The following ZDHHC18 variants were observed in gnomAD, a reference collection of about 807,000 sequenced individuals.
ZDHHC18 encodes palmitoyltransferase ZDHHC18.
In ZDHHC18, 23 loss-of-function variants were observed where a neutral mutation model predicts 37.5. The ratio of observed to expected loss-of-function variants is 0.61; its 90% CI spans 0.44 to 0.87. The LOEUF is 0.87. ZDHHC18 is among the 40% of genes least tolerant of loss of function. ZDHHC18 has a pLI of 0.00. For missense variants in ZDHHC18, 406 were observed against 525.6 expected, an observed-to-expected ratio of 0.77 and a Z score of 2.22; for synonymous variants, 185 against 218.7, an observed-to-expected ratio of 0.85 and a Z score of 1.36.
At chr1:26,829,135 G>T (rs955137029) in intron 1 of ZDHHC18, among the ~76,000 whole-genome samples, 3 of 152,144 alleles carry the variant, frequency 2.0e-5, no homozygotes, top group African/African-American at 7.2e-5. Context: ...AGAAGAGTTT[G>T]GGTTTGGGCC....
intron 1 of ZDHHC18, 23 bp downstream of exon 1, chr1:26,827,162 C>T (rs766983033): frequency 3.9e-5 from 53 of 1,353,538 alleles, no homozygotes; most frequent in Admixed American, 7.2e-5. Context: ...GCCTCGGCGC[C>T]CCCTCCCAGC....
intron 2 of ZDHHC18, among the ~76,000 whole-genome samples, chr1:26,845,372 A>C (rs2081658835): frequency 9.0e-6 from 1 of 110,672 alleles, no homozygotes; most frequent in Admixed American, 1.3e-4. Flanking sequence ...TCTCTCTGTC[A>C]CCCAGGCTGG....
At chr1:26,827,187 C>G (rs756642326) in intron 1 of ZDHHC18, 48 bp downstream of exon 1, 1 of 1,290,902 alleles carries the variant, frequency 7.7e-7, no homozygotes, top group African/African-American at 1.6e-5. Flanking sequence ...TGCCGCGCAC[C>G]CCACCTTCCC....
Position 26,839,038 on chromosome 1 carries a change from C to T in ZDHHC18, c.496+6431C>T, listed in dbSNP as rs934368230. 2.6e-5 allele frequency among the ~76,000 whole-genome samples: 4 copies of T among 152,372 alleles called. No individual in the cohort carries two copies. The East Asian group carries it at 5.8e-4, about 22-fold the overall frequency. On this transcript the variant is annotated intron_variant, in intron 2 of 7. Coordinates refer to ENST00000374142, the MANE Select transcript of ZDHHC18 (RefSeq NM_032283.3). Reference sequence around the variant, plus strand: ...GGCAGTCAGGGCCTTCTCAGCAGCCCGCAGCCAGCCCTGGGGAACTTCCAC... The same window carrying T: ...GGCAGTCAGGGCCTTCTCAGCAGCCTGCAGCCAGCCCTGGGGAACTTCCAC...
At chr1:26,845,896 G>C (rs1287279209) in intron 2 of ZDHHC18, among the ~76,000 whole-genome samples, 1 of 151,884 alleles carries the variant, frequency 6.6e-6, no homozygotes, top group Non-Finnish European at 1.5e-5. Flanking sequence ...TGAGAAGCTG[G>C]GACCACAGGC....
chr1:26,852,088 T>C (rs78129710), intron 6 of ZDHHC18, among the ~76,000 whole-genome samples: 8,982 of 152,308 alleles, frequency 0.059, 359 homozygotes, highest in Non-Finnish European at 0.086. Flanking sequence ...GTTGTGTGCC[T>C]GGTGATCAGT....
intron 2 of ZDHHC18, among the ~76,000 whole-genome samples, chr1:26,841,137 T>C (rs146673017): frequency 0.016 from 2,361 of 152,104 alleles, 58 homozygotes; most frequent in African/African-American, 0.052. Context: ...CCACCACACC[T>C]GGCTAATTTT....
chr1:26,852,953 A>T (rs2081714096), intron 7 of ZDHHC18, 88 bp downstream of exon 7: 6 of 1,199,098 alleles, frequency 5.0e-6, no homozygotes, highest in Non-Finnish European at 7.2e-6. Flanking sequence ...ACCTCCCCCT[A>T]CACCCTAGAT....
At position 26,856,561 on chromosome 1, in the gene ZDHHC18, C is replaced by T. The variant is rs75911505; in HGVS notation, c.*2718C>T. 1,042 of 201,888 alleles carry T rather than the reference C, an allele frequency of 5.2e-3. 8 individuals carry two copies. Among genetic ancestry groups the T allele is most frequent in the African/African-American group, 0.022 (968 of 43,942 alleles). 12.5% of individuals were successfully genotyped at this position (201,888 alleles called of 1,614,324 possible). On this transcript the variant is annotated 3_prime_UTR_variant, in exon 8 of 8. Coordinates refer to ENST00000374142, the MANE Select transcript of ZDHHC18 (RefSeq NM_032283.3). This position sits in a 1 kb window ranked among gnomAD's most constrained non-coding sequence, Gnocchi z 5.2. The stretch of plus-strand genomic sequence containing the variant: ...GCTGGGGAGAGGATGGCGAACCTGC[C>T]CTGAGGTGCTTGGGTCTGTGCTGGT...
chr1:26,852,499 A>G (rs1300777992), intron 6 of ZDHHC18, among the ~76,000 whole-genome samples: 1 of 152,074 alleles, frequency 6.6e-6, no homozygotes, highest in Non-Finnish European at 1.5e-5. Flanking sequence ...CTGGCCGGAG[A>G]AGGGAGGAGT....
chr1:26,841,134 ACCTGG>A (rs1171866906), intron 2 of ZDHHC18, among the ~76,000 whole-genome samples: 42 of 151,844 alleles, frequency 2.8e-4, no homozygotes, highest in Middle Eastern at 3.2e-3. Flanking sequence ...ACACCACCAC[ACCTGG>A]CTAATTTTTG....
At chr1:26,827,213 C>G in intron 1 of ZDHHC18, 74 bp downstream of exon 1, 2 of 1,192,942 alleles carry the variant, frequency 1.7e-6, no homozygotes, top group Non-Finnish European at 2.1e-6. Flanking sequence ...CTGCTGGGCA[C>G]TCCGTGCCTT....
At position 26,850,157 on chromosome 1, in the gene ZDHHC18, G is replaced by C. The variant is rs762869729; in HGVS notation, c.647-144G>C. The C allele has an allele frequency of 1.7e-4, 160 of 939,854 alleles. No homozygotes were observed. Among genetic ancestry groups the C allele is most frequent in the Non-Finnish European group, 2.1e-4 (134 of 629,208 alleles). The allele number at this position is 939,854 out of a possible 1,614,324, so 58.2% of individuals were successfully genotyped here. ...GGAACTGGTACACAAAGGACCAGAG[G>C]CAGGTGTGTCCAAGGCCTGGGAGCC... On this transcript the variant is annotated intron_variant, in intron 3 of 7. Coordinates refer to ENST00000374142, the MANE Select transcript of ZDHHC18 (RefSeq NM_032283.3). The surrounding 1 kb of genome is among the most constrained non-coding windows in gnomAD (Gnocchi z 6.1).
chr1:26,827,432 A>T (rs2081563673), intron 1 of ZDHHC18, among the ~76,000 whole-genome samples: 1 of 144,512 alleles, frequency 6.9e-6, no homozygotes, highest in Non-Finnish European at 1.5e-5. Context: ...TCTGCCTGCC[A>T]CTGCCAGGAA....
At chr1:26,833,509 A>G (rs2081597204) in intron 2 of ZDHHC18, among the ~76,000 whole-genome samples, 1 of 152,160 alleles carries the variant, frequency 6.6e-6, no homozygotes, top group South Asian at 2.1e-4. Context: ...AAGTAAGGCC[A>G]AAGCCCAGAG....
chr1:26,847,021 G>A (rs1042159395), intron 2 of ZDHHC18, among the ~76,000 whole-genome samples: 3 of 150,930 alleles, frequency 2.0e-5, no homozygotes, highest in African/African-American at 4.9e-5. Context: ...TCAGCCTCCC[G>A]AGTAGCTGGG....
chr1:26,828,471 C>T (rs1476887115), intron 1 of ZDHHC18, among the ~76,000 whole-genome samples: 2 of 151,890 alleles, frequency 1.3e-5, no homozygotes, highest in African/African-American at 4.8e-5. Context: ...AAGCTTTTAG[C>T]CCAGTAACAA....
intron 6 of ZDHHC18, among the ~76,000 whole-genome samples, chr1:26,851,475 C>A (rs1190171736): frequency 6.6e-6 from 1 of 152,240 alleles, no homozygotes; most frequent in African/African-American, 2.4e-5. Flanking sequence ...TGCTTTTCTC[C>A]ACAGCCCTGC....
At position 26,827,119 on chromosome 1, in the gene ZDHHC18, C is replaced by A. The variant is rs2081561345; in HGVS notation, c.315C>A (p.Thr105=). 1.4e-6 allele frequency: 2 copies of A among 1,415,832 alleles called. No individual in the cohort carries two copies. Among genetic ancestry groups the A allele is most frequent in the African/African-American group, 3.0e-5 (2 of 67,062 alleles). The allele number at this position is 1,415,832 out of a possible 1,614,324, so 87.7% of individuals were successfully genotyped here. ...ALTLLLILTT[T]GLFFVFDCPY... is the part of the protein sequence containing the mutation. ...CGCTGCTGCTCATCCTCACCACCAC[C>A]GGCCTCTTCTTCGTCTTTGAGTGAG... Residue 105 remains threonine (T), a synonymous_variant, in exon 1 of 8, where the codon ACC becomes ACA. Transcript: ENST00000374142.
Sources: allele counts gnomAD v4.1 joint callset (sites outside exome capture counted in the v4.1 genomes callset), GRCh38; gene constraint gnomAD v4.1.1; non-coding constraint Gnocchi (gnomAD v3.1); transcripts MANE v1.5; gene names NCBI Gene and HGNC (gene_info 2026-07-23, HGNC 2026-07-21).